Variants in CCPG1 observed in about 807,000 individuals in gnomAD.
The protein encoded by CCPG1 is cell cycle progression 1.
A neutral mutation model predicts 81.3 loss-of-function variants in CCPG1; 46 were observed. That is an observed-to-expected ratio of 0.57 (90% confidence interval 0.45 to 0.72). The LOEUF is 0.72. CCPG1 is among the 30% of genes least tolerant of loss of function. The pLI, the probability that CCPG1 is intolerant of heterozygous loss-of-function variation, is 0.00. For synonymous variants in CCPG1, 330 were observed against 305.2 expected, an observed-to-expected ratio of 1.08 and a Z score of -0.85; for missense variants, 902 against 937.6, an observed-to-expected ratio of 0.96 and a Z score of 0.50.
intron 6 of CCPG1, 124 bp downstream of exon 6, chr15:55,371,669 G>T: frequency 1.1e-6 from 1 of 949,784 alleles, no homozygotes; most frequent in Non-Finnish European, 1.5e-6. Flanking sequence ...GGCTCAAACA[G>T]GCTTCAAGTT....
At chr15:55,407,037 A>ACCCACCCCCCCC (rs1308149562) in intron 1 of CCPG1, among the ~76,000 whole-genome samples, 10 of 112,692 alleles carry the variant, frequency 8.9e-5, no homozygotes, top group South Asian at 2.7e-4. Flanking sequence ...ACACGTTGAG[A>ACCCACCCCCCCC]CCCCCCCCCC....
chr15:55,398,097 G>A (rs1042003213), intron 1 of CCPG1: 1 of 152,154 alleles, frequency 6.6e-6, no homozygotes, highest in South Asian at 2.1e-4. Flanking sequence ...CTGAATTCAG[G>A]GGAGAGTTAG....
In CCPG1 at chr15:55,356,389, C is replaced by T. The variant is rs1428450926; in HGVS notation, c.2255G>A (p.Arg752His). The T allele has an allele frequency of 9.1e-6, 14 of 1,531,660 alleles. No homozygotes were observed. The highest frequency in any genetic ancestry group is 1.4e-5 in the African/African-American group (1 of 72,818). The allele number at this position is 1,531,660 out of a possible 1,614,324, so 94.9% of individuals were successfully genotyped here. The change falls in exon 9 of 9, where the codon CGT becomes CAT. Residue 752 changes from arginine (R) to histidine (H), a missense_variant. By Grantham distance (29) the Arg-to-His change is conservative. Around this residue, in one of 3 missense-constraint regions of CCPG1, gnomAD observed 128 missense variants for 161.2 expected, o/e 0.79. Coordinates refer to ENST00000442196, the MANE Select transcript of CCPG1 (RefSeq NM_001204450.2). ...CCTGGAGTTTTCAATATTTACCATA[C>T]GTTGCTTTTTATCAGGTCGACTGAA... ...YGPSRPDKKQ[R>H]MVNIENSRHR...
chr15:55,380,313 T>C (rs2056657031), intron 3 of CCPG1, among the ~76,000 whole-genome samples: 2 of 151,772 alleles, frequency 1.3e-5, no homozygotes, highest in Non-Finnish European at 2.9e-5. Flanking sequence ...TGTTTTGTTT[T>C]GAGACGGAGT....
intron 1 of CCPG1, among the ~76,000 whole-genome samples, chr15:55,397,671 T>A (rs572865857): frequency 1.3e-5 from 2 of 152,084 alleles, no homozygotes; most frequent in Admixed American, 6.5e-5. Context: ...AAGAGCAGGT[T>A]ATGAGAAGAA....
At chr15:55,400,797 C>T (rs979843787) in intron 1 of CCPG1, among the ~76,000 whole-genome samples, 2 of 152,142 alleles carry the variant, frequency 1.3e-5, no homozygotes, top group African/African-American at 4.8e-5. Flanking sequence ...TACTGGCTAT[C>T]CTCATCTCCT....
chr15:55,370,286 G>T (rs993474875), intron 6 of CCPG1, among the ~76,000 whole-genome samples: 1 of 152,034 alleles, frequency 6.6e-6, no homozygotes, highest in Non-Finnish European at 1.5e-5. Flanking sequence ...TACATTTTTC[G>T]AATGAACTAG....
chr15:55,374,328 A>C (rs2056515329), intron 5 of CCPG1: 1 of 705,354 alleles, frequency 1.4e-6, no homozygotes, highest in African/African-American at 1.9e-5. Context: ...AATTAAAAAT[A>C]CTTAATTATC....
At chr15:55,393,744 G>A (rs1458540126) in intron 1 of CCPG1, among the ~76,000 whole-genome samples, 1 of 150,752 alleles carries the variant, frequency 6.6e-6, no homozygotes, top group African/African-American at 2.5e-5. Context: ...GGGAACATTA[G>A]GCCGATTCAC....
chr15:55,359,068 G>A (rs957303295), intron 8 of CCPG1: 6 of 984,820 alleles, frequency 6.1e-6, no homozygotes, highest in Middle Eastern at 5.2e-4. Flanking sequence ...TAACTAAGCT[G>A]GTACATGGAA....
chr15:55,372,150 T>TA, intron 5 of CCPG1, 106 bp from the exon 6 acceptor site: 1 of 1,102,404 alleles, frequency 9.1e-7, no homozygotes, highest in Non-Finnish European at 1.3e-6. Flanking sequence ...CCTTTCTACA[T>TA]AAGATAGCCA....
chr15:55,405,357 C>T lies in CCPG1; in HGVS notation c.-10+2864G>A, dbSNP rs113540144. On this transcript the variant is annotated intron_variant, in intron 1 of 8. Transcript: ENST00000442196. ...AGTCTAGGCAACAAGAGCGAAACTC[C>T]GTCTCAAAAAAAAATTTAGTGGGGC... 4.6e-5 allele frequency among the ~76,000 whole-genome samples: 7 copies of T among 151,374 alleles called. No homozygotes were observed. The South Asian group carries it at 8.4e-4, about 18-fold the overall frequency.
chr15:55,360,348 G>A lies in CCPG1; in HGVS notation c.1425C>T (p.His475=). ...DGKKKGGRGS[H]RAKNKSKETF... is the part of the protein sequence containing the mutation. The stretch of plus-strand genomic sequence containing the variant: ...TTTCCTTTGACTTATTTTTAGCCCT[G>A]TGGCTTCCTCTGCCCCCTTTCTTTT... The change falls in exon 8 of 9, where the codon CAC becomes CAT. Residue 475 remains histidine (H), a synonymous_variant. Coordinates refer to ENST00000442196, the MANE Select transcript of CCPG1 (RefSeq NM_001204450.2). 6.2e-7 allele frequency: 1 copy of A among 1,613,672 alleles called. No individual in the cohort carries two copies. Among genetic ancestry groups the A allele is most frequent in the Non-Finnish European group, 8.5e-7 (1 of 1,179,970 alleles).
intron 1 of CCPG1, among the ~76,000 whole-genome samples, chr15:55,404,897 C>T (rs760767808): frequency 3.3e-5 from 5 of 152,140 alleles, no homozygotes; most frequent in Non-Finnish European, 5.9e-5. Flanking sequence ...TGGTGAAACC[C>T]CATCTCTACT....
chr15:55,371,177 G>T (rs1468641212), intron 6 of CCPG1, among the ~76,000 whole-genome samples: 6 of 152,124 alleles, frequency 3.9e-5, no homozygotes, highest in African/African-American at 1.4e-4. Flanking sequence ...AACACCAATA[G>T]AATACCTTCC....
intron 6 of CCPG1, among the ~76,000 whole-genome samples, chr15:55,370,977 G>A (rs1320368532): frequency 5.3e-5 from 8 of 152,108 alleles, no homozygotes; most frequent in Non-Finnish European, 8.8e-5. Context: ...GCCAGGCATG[G>A]TGGCGGGCGC....
chr15:55,394,052 C>T (rs1439259384), intron 1 of CCPG1, among the ~76,000 whole-genome samples: 3 of 152,156 alleles, frequency 2.0e-5, no homozygotes, highest in African/African-American at 4.8e-5. Context: ...AACCTGGACA[C>T]CCTCCACCAG....
At position 55,391,887 on chromosome 15, in the gene CCPG1, A is replaced by AGGG. The variant is rs61200003; in HGVS notation, c.-9-2457_-9-2455dup. On this transcript the variant is annotated intron_variant, in intron 1 of 8. Coordinates refer to ENST00000442196, the MANE Select transcript of CCPG1 (RefSeq NM_001204450.2). ...CTTGACTCTTTAAAAAAAAAAAAAAAGGGGGGGGGGGGCTAGGTGTGGTAG... is the reference window on the plus strand; with the variant it reads ...CTTGACTCTTTAAAAAAAAAAAAAAAGGGGGGGGGGGGGGGCTAGGTGTGGTAG... 8.8e-3 allele frequency among the ~76,000 whole-genome samples: 389 copies of AGGG among 44,444 alleles called. 16 individuals are homozygous for AGGG. Among genetic ancestry groups the AGGG allele is most frequent in the East Asian group, 0.077 (31 of 400 alleles). The allele number at this position is 44,444 out of a possible 152,430, so 29.2% of individuals were successfully genotyped here.
chr15:55,374,097 G>C (rs2056508820), intron 5 of CCPG1: 1 of 970,772 alleles, frequency 1.0e-6, no homozygotes, highest in Non-Finnish European at 1.4e-6. Flanking sequence ...TCGGTAAATA[G>C]TAAATGTGAC....
Sources: allele counts gnomAD v4.1 joint callset (sites outside exome capture counted in the v4.1 genomes callset), GRCh38; gene constraint gnomAD v4.1.1; regional missense constraint gnomAD v4.1.1; transcripts MANE v1.5; gene names NCBI Gene and HGNC (gene_info 2026-07-23, HGNC 2026-07-21).